CCDC175: variants seen among roughly 807,000 people sequenced by gnomAD.
The protein encoded by CCDC175 is coiled-coil domain containing 175.
In CCDC175, 100 loss-of-function variants were observed where a neutral mutation model predicts 114.6. The observed-to-expected ratio is 0.87, with a 90% CI of 0.74 to 1.03. The LOEUF is 1.03. Among genes scored for constraint, CCDC175 ranks in the 50% least tolerant of loss-of-function variants. CCDC175 has a pLI of 0.00. For synonymous variants in CCDC175, 306 were observed against 308.7 expected, an observed-to-expected ratio of 0.99 and a Z score of 0.09; for missense variants, 880 against 917.8, an observed-to-expected ratio of 0.96 and a Z score of 0.53.
Position 59,575,012 on chromosome 14 carries a change from A to G in CCDC175, c.174T>C (p.Ser58=). Residue 58 remains serine, a synonymous_variant, in exon 2 of 20, where the codon AGT becomes AGC. Transcript: ENST00000537690. ...CTTCTTCATTACATTTAAAATAGTC[A>G]CTTTGCAGTGATTGTTCTGAAAAAA... is the stretch of plus-strand genomic sequence containing the variant. ...QLFVVEQSLQ[S]DYFKCNEEAK... is the part of the protein sequence containing the mutation. The G allele has an allele frequency of 6.6e-7, 1 of 1,504,526 alleles. No homozygotes were observed. The highest frequency in any genetic ancestry group is 8.9e-7 in the Non-Finnish European group (1 of 1,127,164). 93.2% of individuals were successfully genotyped at this position (1,504,526 alleles called of 1,614,324 possible).
At chr14:59,517,868 T>C (rs1352466156) in intron 17 of CCDC175, among the ~76,000 whole-genome samples, 2 of 152,032 alleles carry the variant, frequency 1.3e-5, no homozygotes, top group African/African-American at 4.8e-5. Context: ...GCCAAGTCAA[T>C]CCTAAGCCAA....
At chr14:59,525,146 T>C in intron 16 of CCDC175, 136 bp downstream of exon 16, 1 of 587,650 alleles carries the variant, frequency 1.7e-6, no homozygotes. Context: ...ACTTGCAATC[T>C]GGGCACTTTT....
chr14:59,576,540 C>T (rs1566645833), intron 1 of CCDC175, 79 bp downstream of exon 1: 22 of 1,299,438 alleles, frequency 1.7e-5, no homozygotes, highest in East Asian at 3.1e-5. Flanking sequence ...GGAGAGTCCC[C>T]GCTCAGGGTT....
intron 3 of CCDC175, among the ~76,000 whole-genome samples, chr14:59,570,718 G>A (rs1896800378): frequency 7.1e-6 from 1 of 140,776 alleles, no homozygotes; most frequent in South Asian, 2.5e-4. Flanking sequence ...AACATAACTT[G>A]GAATTAAGCC....
intron 9 of CCDC175, among the ~76,000 whole-genome samples, chr14:59,544,596 G>A (rs1894991594): frequency 6.6e-6 from 1 of 152,152 alleles, no homozygotes; most frequent in South Asian, 2.1e-4. Context: ...AGAGATTTGG[G>A]TAATTTTTAC....
intron 17 of CCDC175, among the ~76,000 whole-genome samples, chr14:59,520,125 G>A (rs1187957671): frequency 6.6e-6 from 1 of 152,188 alleles, no homozygotes. Flanking sequence ...TAAATAATTT[G>A]TCTTCAGCTA....
intron 10 of CCDC175, 117 bp from the exon 11 acceptor site, chr14:59,540,863 A>G (rs1894742583): frequency 9.4e-6 from 8 of 852,640 alleles, no homozygotes; most frequent in Non-Finnish European, 1.4e-5. Flanking sequence ...GAGACAAAAT[A>G]AGCCTTGTGA....
chr14:59,545,874 T>C (rs894160932), intron 8 of CCDC175, among the ~76,000 whole-genome samples: 7 of 152,184 alleles, frequency 4.6e-5, no homozygotes, highest in South Asian at 2.1e-4. Context: ...TGAAAAAATA[T>C]TTGTAGAAGT....
rs1333902051 is a variant in CCDC175, at chr14:59,561,176, T to C, written c.896A>G (p.Tyr299Cys). The C allele has an allele frequency of 6.5e-7, 1 of 1,535,940 alleles. No homozygotes were observed. Among genetic ancestry groups the C allele is most frequent in the South Asian group, 1.2e-5 (1 of 84,010 alleles). ...TAGCTCACTGACCTCTTGTTCCCAATACCTTATTGATTCGTGTAGTCGTGC... is the reference window on the plus strand; with the variant it reads ...TAGCTCACTGACCTCTTGTTCCCAACACCTTATTGATTCGTGTAGTCGTGC... ...EIARLHESIR[Y>C]WEQEVSELKK... is the part of the protein sequence containing the mutation. Residue 299 changes from tyrosine to cysteine, a missense_variant, in exon 7 of 20, where the codon TAT (tyrosine) becomes TGT (cysteine). Transcript: ENST00000537690.
chr14:59,537,989 C>A, intron 13 of CCDC175, 34 bp downstream of exon 13: 1 of 1,453,290 alleles, frequency 6.9e-7, no homozygotes, highest in Non-Finnish European at 9.3e-7. Context: ...ATGTAGTCAT[C>A]CAAAAGTATT....
At chr14:59,563,677 C>T (rs769741227) in intron 6 of CCDC175, 60 bp downstream of exon 6, 65 of 1,069,230 alleles carry the variant, frequency 6.1e-5, no homozygotes, top group Non-Finnish European at 7.6e-5. Context: ...ACAATCAACT[C>T]CTTTTTTATT....
intron 7 of CCDC175, among the ~76,000 whole-genome samples, chr14:59,553,969 T>A (rs1227111099): frequency 1.3e-5 from 2 of 152,092 alleles, no homozygotes; most frequent in East Asian, 3.8e-4. Context: ...ATAAAGCAAG[T>A]CCTTAGAGAC....
chr14:59,563,793 C>G lies in CCDC175; in HGVS notation c.787G>C (p.Asp263His). The G allele has an allele frequency of 7.0e-7, 1 of 1,431,564 alleles. No homozygotes were observed. Among genetic ancestry groups the G allele is most frequent in the Non-Finnish European group, 9.2e-7 (1 of 1,090,442 alleles). The allele number at this position is 1,431,564 out of a possible 1,614,324, so 88.7% of individuals were successfully genotyped here. The stretch of plus-strand genomic sequence containing the variant: ...TTTGACATTTTAGTTTGTAATTTAT[C>G]CAATTCTTTCTTCTTTTGATAAGTC... ...METYQKKKEL[D>H]KLQTKMSKIK... The change falls in exon 6 of 20, where the codon GAT (aspartate) becomes CAT (histidine). Residue 263 changes from aspartate (D) to histidine (H), a missense_variant. Coordinates refer to ENST00000537690, the MANE Select transcript of CCDC175 (RefSeq NM_001164399.2).
chr14:59,536,540 GCTTTCCAC>G (rs1182037793), intron 13 of CCDC175, among the ~76,000 whole-genome samples: 1 of 151,686 alleles, frequency 6.6e-6, no homozygotes, highest in African/African-American at 2.4e-5. Flanking sequence ...CTAGACTAAT[GCTTTCCAC>G]CCCGCCTCCT....
At chr14:59,525,582 TA>T in intron 15 of CCDC175, 148 bp from the exon 16 acceptor site, 1 of 524,276 alleles carries the variant, frequency 1.9e-6, no homozygotes, top group Non-Finnish European at 3.2e-6. Flanking sequence ...TAGAAAAACC[TA>T]TCAACCCCAC....
chr14:59,524,575 T>G (rs992517947), intron 16 of CCDC175, among the ~76,000 whole-genome samples: 3 of 152,082 alleles, frequency 2.0e-5, no homozygotes, highest in Non-Finnish European at 2.9e-5. Context: ...AAAGACAGTT[T>G]TGTGAGAGTG....
intron 17 of CCDC175, among the ~76,000 whole-genome samples, chr14:59,518,868 T>C (rs1351920039): frequency 3.3e-5 from 5 of 152,134 alleles, no homozygotes; most frequent in Admixed American, 6.5e-5. Context: ...CACATGCACA[T>C]GTATGTTTAT....
intron 8 of CCDC175, among the ~76,000 whole-genome samples, chr14:59,546,794 A>G (rs1555345046): frequency 6.6e-6 from 1 of 152,086 alleles, no homozygotes. Context: ...CCATGATCAT[A>G]CCACTGCACT....
chr14:59,568,297 C>T lies in CCDC175; in HGVS notation c.439G>A (p.Glu147Lys), dbSNP rs779222081. ...MRITRTENEI[E>K]LLKKKITDLT... ...TCAGTTATTTTCTTCTTCAGAAGCT[C>T]TATTTCATTCTCTGTCCTTGTAATT... The change falls in exon 4 of 20, where the codon GAG becomes AAG. Residue 147 changes from glutamate to lysine, a missense_variant. Glu to Lys is a moderately conservative substitution (Grantham distance 56, BLOSUM62 1). Transcript: ENST00000537690. 1.2e-5 allele frequency: 18 copies of T among 1,532,382 alleles called. No individual in the cohort carries two copies. The highest frequency in any genetic ancestry group is 1.6e-5 in the Non-Finnish European group (18 of 1,145,418). 94.9% of individuals were successfully genotyped at this position (1,532,382 alleles called of 1,614,324 possible). A position where few individuals can be genotyped will look rare whatever the true frequency, so the allele number is the denominator to read the frequency against.
Sources: gnomAD v4.1 joint callset for allele counts (sites outside exome capture counted in the v4.1 genomes callset) on GRCh38, gnomAD v4.1.1 for gene constraint, MANE v1.5 for transcripts, NCBI Gene and HGNC (gene_info 2026-07-23, HGNC 2026-07-21) for gene names.